The following BMPR1B variants were observed in gnomAD, a reference collection of about 807,000 sequenced individuals.
The protein encoded by BMPR1B is bone morphogenetic protein receptor type-1B.
BMPR1B carries 12 observed loss-of-function variants against 59.1 expected under a neutral mutation model. The observed-to-expected ratio is 0.20, with a 90% CI of 0.13 to 0.33. BMPR1B has a LOEUF of 0.33. Ranked by LOEUF, BMPR1B falls within the 10% of genes least tolerant of loss-of-function variation. The probability of loss-of-function intolerance (pLI) is 1.00; values close to 1 mark genes in which losing one functional copy is unlikely to be tolerated. For synonymous variants in BMPR1B, 237 were observed against 207.3 expected, an observed-to-expected ratio of 1.14 and a Z score of -1.23; for missense variants, 550 against 610.9, an observed-to-expected ratio of 0.90 and a Z score of 1.05.
intron 10 of BMPR1B, among the ~76,000 whole-genome samples, chr4:95,142,458 C>T (rs1734304019): frequency 6.6e-6 from 1 of 152,054 alleles, no homozygotes; most frequent in Non-Finnish European, 1.5e-5. Context: ...CTTTTTTTTC[C>T]ACACACTCTT....
chr4:94,970,610 G>T (rs1169950945), intron 2 of BMPR1B, among the ~76,000 whole-genome samples: 2 of 152,008 alleles, frequency 1.3e-5, no homozygotes, highest in Non-Finnish European at 2.9e-5. Context: ...ACCACACCCG[G>T]CCTGTTCATT....
At chr4:94,852,910 A>G (rs1039415271) in intron 1 of BMPR1B, among the ~76,000 whole-genome samples, 5 of 152,198 alleles carry the variant, frequency 3.3e-5, no homozygotes, top group African/African-American at 1.2e-4. Context: ...AATTCCAGCT[A>G]CAAGAAAAAT....
chr4:95,127,528 C>G (rs550064180), intron 8 of BMPR1B, among the ~76,000 whole-genome samples: 7 of 152,032 alleles, frequency 4.6e-5, no homozygotes, highest in South Asian at 4.2e-4. Flanking sequence ...CTTACATGAG[C>G]AATGCTTTGT....
chr4:95,024,603 C>G (rs1724220676), intron 3 of BMPR1B, among the ~76,000 whole-genome samples: 1 of 152,062 alleles, frequency 6.6e-6, no homozygotes, highest in Non-Finnish European at 1.5e-5. Context: ...ATCAATTATG[C>G]CAGTCACAGT....
chr4:94,850,205 T>G (rs1465942945), intron 1 of BMPR1B, among the ~76,000 whole-genome samples: 2 of 152,110 alleles, frequency 1.3e-5, no homozygotes, highest in Admixed American at 1.3e-4. Context: ...GGGCTCTTCC[T>G]TTTTTGTGCC....
chr4:94,826,176 A>G (rs1341046537), intron 1 of BMPR1B, among the ~76,000 whole-genome samples: 1 of 152,280 alleles, frequency 6.6e-6, no homozygotes, highest in Non-Finnish European at 1.5e-5. Flanking sequence ...GATAATGTGA[A>G]GCATAAGTGA....
In BMPR1B at chr4:95,157,703, T is replaced by C. The variant is rs1215555078; in HGVS notation, c.*3030T>C. On this transcript the variant is annotated 3_prime_UTR_variant, in exon 13 of 13. Transcript: ENST00000515059. Reference sequence around the variant, plus strand: ...CCATTATGTGGATTAGAGAGTAAGATATTATGGATGATAAAGTACTAAATG... The same window carrying C: ...CCATTATGTGGATTAGAGAGTAAGACATTATGGATGATAAAGTACTAAATG... The C allele has an allele frequency of 6.6e-6, 1 of 151,924 alleles. No individual in the cohort carries two copies. The highest frequency in any genetic ancestry group is 1.9e-4 in the East Asian group (1 of 5,202). 9.4% of individuals were successfully genotyped at this position (151,924 alleles called of 1,614,324 possible).
chr4:94,940,224 C>G (rs1249759084), intron 2 of BMPR1B, among the ~76,000 whole-genome samples: 1 of 152,182 alleles, frequency 6.6e-6, no homozygotes, highest in Non-Finnish European at 1.5e-5. Flanking sequence ...CAACCCGTGG[C>G]CCACAGGCAG....
chr4:94,991,983 C>T (rs376111750), intron 2 of BMPR1B, among the ~76,000 whole-genome samples: 1 of 152,288 alleles, frequency 6.6e-6, no homozygotes, highest in East Asian at 1.9e-4. Flanking sequence ...GAACATACTT[C>T]AGTACAACAC....
At chr4:94,796,374 G>A (rs907089762) in intron 1 of BMPR1B, among the ~76,000 whole-genome samples, 9 of 152,160 alleles carry the variant, frequency 5.9e-5, no homozygotes, top group Non-Finnish European at 1.2e-4. Context: ...CTATCAAATG[G>A]TAGACTTTGT....
intron 2 of BMPR1B, among the ~76,000 whole-genome samples, chr4:94,926,221 G>A (rs1022821401): frequency 6.6e-5 from 10 of 151,658 alleles, no homozygotes; most frequent in Admixed American, 6.6e-4. Context: ...TGAAAAATAG[G>A]TATGCTCTTT....
chr4:94,972,139 AT>A (rs1241236098), intron 2 of BMPR1B, among the ~76,000 whole-genome samples: 2 of 151,704 alleles, frequency 1.3e-5, no homozygotes, highest in Non-Finnish European at 2.9e-5. Context: ...TCTACAATAA[AT>A]GATGCGGTAA....
At chr4:95,115,597 C>G (rs949470952) in intron 5 of BMPR1B, 88 bp from the exon 6 acceptor site, 6 of 1,111,052 alleles carry the variant, frequency 5.4e-6, no homozygotes, top group Admixed American at 3.5e-5. Context: ...AATTAGTTCT[C>G]TAAATAGTGA....
At chr4:94,935,641 C>T (rs1218587689) in intron 2 of BMPR1B, among the ~76,000 whole-genome samples, 1 of 152,110 alleles carries the variant, frequency 6.6e-6, no homozygotes, top group Non-Finnish European at 1.5e-5. Flanking sequence ...ATATTTAGGG[C>T]ATGGCTTTCA....
intron 3 of BMPR1B, among the ~76,000 whole-genome samples, chr4:95,048,388 A>G (rs1726195424): frequency 6.6e-6 from 1 of 152,224 alleles, no homozygotes; most frequent in East Asian, 1.9e-4. Flanking sequence ...ACTGCTTTCC[A>G]CAGTGGCTGA....
In BMPR1B at chr4:95,129,847, T is replaced by G; in HGVS notation, c.586-15T>G. 6.2e-7 allele frequency: 1 copy of G among 1,612,950 alleles called. No homozygotes were observed. The highest frequency in any genetic ancestry group is 1.3e-5 in the African/African-American group (1 of 74,982). The stretch of plus-strand genomic sequence containing the variant: ...CGCTGTGAATACACTAACAGTGTGT[T>G]TTGGGATTTCACAGGTCCAAAGGAC... On this transcript the variant is annotated splice_polypyrimidine_tract_variant and intron_variant, in intron 8 of 12. Coordinates refer to ENST00000515059, the MANE Select transcript of BMPR1B (RefSeq NM_001203.3).
chr4:95,056,193 T>G (rs1302226681), intron 3 of BMPR1B, among the ~76,000 whole-genome samples: 1 of 152,186 alleles, frequency 6.6e-6, no homozygotes, highest in Non-Finnish European at 1.5e-5. Flanking sequence ...TCTTGATTAT[T>G]ATACTTGTTA....
chr4:95,125,884 C>T (rs1249093733), intron 8 of BMPR1B, among the ~76,000 whole-genome samples: 1 of 152,142 alleles, frequency 6.6e-6, no homozygotes, highest in African/African-American at 2.4e-5. Flanking sequence ...ATGTGTGGCA[C>T]ATAAACTCAA....
chr4:94,973,105 C>T (rs943579086), intron 2 of BMPR1B, among the ~76,000 whole-genome samples: 4 of 152,126 alleles, frequency 2.6e-5, no homozygotes, highest in African/African-American at 9.7e-5. Flanking sequence ...ATGTGGGTCC[C>T]GTGACAGCAT....
Sources: allele counts gnomAD v4.1 joint callset (sites outside exome capture counted in the v4.1 genomes callset), GRCh38; gene constraint gnomAD v4.1.1; transcripts MANE v1.5; gene names NCBI Gene and HGNC (gene_info 2026-07-23, HGNC 2026-07-21).